SDK1: variants seen among roughly 807,000 people sequenced by gnomAD.
SDK1 encodes the protein sidekick cell adhesion molecule 1.
SDK1 carries 157 observed loss-of-function variants against 245.5 expected under a neutral mutation model. The ratio of observed to expected loss-of-function variants is 0.64; its 90% CI spans 0.56 to 0.73. SDK1 has a LOEUF of 0.73. Ranked by LOEUF, SDK1 falls within the 30% of genes least tolerant of loss-of-function variation. SDK1 has a pLI of 0.00. For synonymous variants in SDK1, 1,647 were observed against 1,278.5 expected, an observed-to-expected ratio of 1.29 and a Z score of -6.15; for missense variants, 3,583 against 3,002.3, an observed-to-expected ratio of 1.19 and a Z score of -4.52.
chr7:3,409,747 A>G (rs1779148908), intron 1 of SDK1, among the ~76,000 whole-genome samples: 1 of 152,058 alleles, frequency 6.6e-6, no homozygotes, highest in Non-Finnish European at 1.5e-5. Context: ...GAGGAGAACC[A>G]CGCTTTGTAT....
intron 5 of SDK1, among the ~76,000 whole-genome samples, chr7:3,942,175 G>A (rs1226288501): frequency 6.6e-6 from 1 of 152,162 alleles, no homozygotes; most frequent in African/African-American, 2.4e-5. Context: ...CAAAGTGCTG[G>A]GATTACAGGC....
At chr7:3,787,538 TAAAA>T (rs146938150) in intron 4 of SDK1, among the ~76,000 whole-genome samples, 1 of 149,740 alleles carries the variant, frequency 6.7e-6, no homozygotes, top group East Asian at 2.0e-4. Flanking sequence ...TGGCATTGGT[TAAAA>T]AAAAAATCCC....
chr7:3,790,550 G>C (rs560103417), intron 4 of SDK1, among the ~76,000 whole-genome samples: 20 of 152,320 alleles, frequency 1.3e-4, no homozygotes, highest in African/African-American at 4.6e-4. Context: ...GGTCACACCT[G>C]TAATCCCAGC....
intron 5 of SDK1, among the ~76,000 whole-genome samples, chr7:3,826,287 G>C (rs1188209000): frequency 4.6e-5 from 7 of 152,200 alleles, no homozygotes; most frequent in Admixed American, 3.9e-4. Flanking sequence ...GGAATCAGCA[G>C]TGCTAATCAT....
chr7:3,706,891 G>A (rs1379716917), intron 4 of SDK1, among the ~76,000 whole-genome samples: 1 of 152,090 alleles, frequency 6.6e-6, no homozygotes. Flanking sequence ...GTATTTCTGT[G>A]CTGTCAGTTG....
At chr7:4,103,979 C>T (rs1362127011) in intron 22 of SDK1, among the ~76,000 whole-genome samples, 2 of 152,272 alleles carry the variant, frequency 1.3e-5, no homozygotes, top group African/African-American at 4.8e-5. Context: ...TGGCTGTGTT[C>T]CAATAAAACT....
At chr7:3,691,124 A>G (rs916646022) in intron 4 of SDK1, among the ~76,000 whole-genome samples, 3 of 152,258 alleles carry the variant, frequency 2.0e-5, no homozygotes, top group African/African-American at 7.2e-5. Flanking sequence ...TTTATTGTAG[A>G]TAATTACACC....
intron 22 of SDK1, among the ~76,000 whole-genome samples, chr7:4,104,816 C>T (rs1486296951): frequency 6.6e-6 from 1 of 152,072 alleles, no homozygotes; most frequent in Non-Finnish European, 1.5e-5. Context: ...GATCCCCCTG[C>T]ATCAGCCTCC....
rs887516007 is a variant in SDK1, at chr7:4,139,218, C to A, written c.4229-6504C>A. On this transcript the variant is annotated intron_variant, in intron 28 of 44. Coordinates refer to ENST00000404826, the MANE Select transcript of SDK1 (RefSeq NM_152744.4). ...TTCCTGGAGTGACCTCCCAAATCGC[C>A]ACTTGCACTCCAGTCCTGGCCTCAA... Among the ~76,000 whole-genome samples, 3 of 152,250 alleles carry A rather than the reference C, an allele frequency of 2.0e-5. No individual in the cohort carries two copies. The East Asian group carries it at 5.8e-4, about 29-fold the overall frequency.
intron 25 of SDK1, among the ~76,000 whole-genome samples, chr7:4,121,968 C>G (rs1008352087): frequency 3.3e-5 from 5 of 152,112 alleles, no homozygotes; most frequent in African/African-American, 1.2e-4. Context: ...ATCTTCATTT[C>G]AAGATGTGGA....
intron 43 of SDK1, among the ~76,000 whole-genome samples, chr7:4,244,471 T>TC (rs1338331389): frequency 6.6e-6 from 1 of 152,208 alleles, no homozygotes. Context: ...TCAGAGTTTT[T>TC]CCCCAAGTTC....
intron 2 of SDK1, among the ~76,000 whole-genome samples, chr7:3,624,909 G>A (rs1040672117): frequency 4.0e-5 from 6 of 151,898 alleles, no homozygotes; most frequent in Non-Finnish European, 5.9e-5. Flanking sequence ...GCTGGTTGTC[G>A]TGGTGCATGC....
intron 40 of SDK1, among the ~76,000 whole-genome samples, chr7:4,230,701 CATGG>C (rs1182821100): frequency 1.3e-5 from 2 of 149,822 alleles, no homozygotes; most frequent in Admixed American, 1.3e-4. Flanking sequence ...TGGATGGTTA[CATGG>C]ATGGATGGGT....
At chr7:3,690,206 C>G (rs534130087) in intron 4 of SDK1, among the ~76,000 whole-genome samples, 2 of 152,264 alleles carry the variant, frequency 1.3e-5, no homozygotes, top group African/African-American at 4.8e-5. Flanking sequence ...CATCACGACG[C>G]TAATGTTTCC....
At chr7:4,059,827 C>G (rs1416104854) in intron 19 of SDK1, among the ~76,000 whole-genome samples, 1 of 151,950 alleles carries the variant, frequency 6.6e-6, no homozygotes, top group African/African-American at 2.4e-5. Context: ...AAATAGCATG[C>G]TCCTGAATGA....
At chr7:3,996,625 C>G (rs924170111) in intron 14 of SDK1, among the ~76,000 whole-genome samples, 2 of 152,092 alleles carry the variant, frequency 1.3e-5, no homozygotes, top group African/African-American at 4.8e-5. Context: ...GCAATTTTTC[C>G]CCATTTCGTC....
intron 38 of SDK1, among the ~76,000 whole-genome samples, chr7:4,218,000 A>ATGTG (rs1423303529): frequency 6.6e-6 from 1 of 152,160 alleles, no homozygotes; most frequent in East Asian, 1.9e-4. Flanking sequence ...GACAGTCACT[A>ATGTG]TGTGCACAAA....
At chr7:3,978,078 C>T (rs1783109472) in intron 13 of SDK1, among the ~76,000 whole-genome samples, 1 of 152,050 alleles carries the variant, frequency 6.6e-6, no homozygotes, top group African/African-American at 2.4e-5. Context: ...TTTCGGGTCT[C>T]AGACAGAGGA....
chr7:3,974,863 G>A, intron 13 of SDK1: 1 of 215,084 alleles, frequency 4.6e-6, no homozygotes, highest in Non-Finnish European at 9.3e-6. Flanking sequence ...CGCTTAAGTA[G>A]CAAGTTCATT....
Sources: allele counts gnomAD v4.1 joint callset (sites outside exome capture counted in the v4.1 genomes callset), GRCh38; gene constraint gnomAD v4.1.1; transcripts MANE v1.5; gene names NCBI Gene and HGNC (gene_info 2026-07-23, HGNC 2026-07-21).